The following BSCL2 variants were observed in gnomAD, a reference collection of about 807,000 sequenced individuals.
BSCL2 encodes BSCL2 lipid droplet biogenesis associated, seipin, also known as seipin.
Under a neutral mutation model 57.4 loss-of-function variants are expected in BSCL2, and 41 were observed. The ratio of observed to expected loss-of-function variants is 0.71; its 90% confidence interval spans 0.56 to 0.93. The LOEUF (loss-of-function observed/expected upper bound fraction) is 0.93, where lower values mean the gene tolerates loss of function less well. BSCL2 is among the 40% of genes least tolerant of loss of function. The pLI, the probability that BSCL2 is intolerant of heterozygous loss-of-function variation, is 0.00. For missense variants in BSCL2, 539 were observed against 586.7 expected (o/e 0.92, Z 0.84); for synonymous variants, 237 against 227.3 (o/e 1.04, Z -0.38).
At chr11:62,701,563 C>T (rs868216684) in intron 3 of BSCL2, among the ~76,000 whole-genome samples, 1 of 152,066 alleles carries the variant, frequency 6.6e-6, no homozygotes, top group Non-Finnish European at 1.5e-5. Flanking sequence ...ACAGGCTGGG[C>T]GTGGTGGCTG....
chr11:62,703,724 C>T (rs1378612504), intron 2 of BSCL2, among the ~76,000 whole-genome samples: 1 of 151,938 alleles, frequency 6.6e-6, no homozygotes, highest in Non-Finnish European at 1.5e-5. Context: ...GCTTTAGAAA[C>T]TATAGCTCTG....
intron 1 of BSCL2, chr11:62,706,466 T>A: frequency 2.5e-6 from 1 of 404,612 alleles, no homozygotes; most frequent in Non-Finnish European, 4.6e-6. Context: ...TGGCTCTCTC[T>A]GCGGCAGGTT....
upstream of BSCL2, chr11:62,709,157 T>A: frequency 2.1e-6 from 1 of 471,622 alleles, no homozygotes; most frequent in African/African-American, 2.0e-5. Flanking sequence ...CTGGAGCTAC[T>A]GGGAGGGTAA....
chr11:62,705,649 TC>T (rs140109104), intron 1 of BSCL2, 32 bp from the exon 2 acceptor site: 1,611 of 1,474,060 alleles, frequency 1.1e-3, no homozygotes, highest in Non-Finnish European at 1.4e-3. Context: ...AAAGAGTGAC[TC>T]CTTTCCCCAG....
intron 1 of BSCL2, 149 bp from the exon 2 acceptor site, chr11:62,705,766 C>T (rs1409363067): frequency 1.3e-6 from 1 of 791,262 alleles, no homozygotes; most frequent in Non-Finnish European, 1.9e-6. Context: ...AATGATTGTG[C>T]CACTCTGCCA....
chr11:62,699,672 C>G (rs889534972), intron 3 of BSCL2, among the ~76,000 whole-genome samples: 17 of 124,332 alleles, frequency 1.4e-4, no homozygotes, highest in Admixed American at 4.2e-4. Flanking sequence ...AAAATCCTAT[C>G]TGGTTTTTTT....
At position 62,707,208 on chromosome 11, in the gene BSCL2, C is replaced by T; in HGVS notation, c.-13G>A. The T allele has an allele frequency of 3.2e-6, 5 of 1,551,836 alleles. No homozygotes were observed. The highest frequency in any genetic ancestry group is 4.4e-6 in the Non-Finnish European group (5 of 1,146,606). Reference sequence around the variant, plus strand: ...TTTCTGTAGACATCTTCCTGACGAGCCTCTGTTGACTCTGGATCTTCCACT... The same window carrying T: ...TTTCTGTAGACATCTTCCTGACGAGTCTCTGTTGACTCTGGATCTTCCACT... On this transcript the variant is annotated 5_prime_UTR_variant, in exon 1 of 11. Transcript: ENST00000360796.
chr11:62,692,440 G>A lies in BSCL2; in HGVS notation c.799C>T (p.His267Tyr). The A allele has an allele frequency of 6.2e-7, 1 of 1,614,114 alleles. No individual in the cohort carries two copies. The highest frequency in any genetic ancestry group is 2.2e-5 in the East Asian group (1 of 44,878). The change falls in exon 6 of 11, where the codon CAC becomes TAC. Residue 267 changes from histidine (H) to tyrosine (Y), a missense_variant. By Grantham distance (83) the His-to-Tyr change is moderately conservative (BLOSUM62 2). This residue lies in a region of BSCL2 where 73 missense variants were observed against 122.0 expected (regional missense o/e 0.60). Coordinates refer to ENST00000360796, the MANE Select transcript of BSCL2 (RefSeq NM_001122955.4). ...CCATACAGCTGGATGCGCTTGCTGTGGATCTCAATGATCGCTCCAGTGGTC... is the reference window on the plus strand; with the variant it reads ...CCATACAGCTGGATGCGCTTGCTGTAGATCTCAATGATCGCTCCAGTGGTC... ...VPTTGAIIEI[H>Y]SKRIQLYGAY...
intron 4 of BSCL2, 148 bp from the exon 5 acceptor site, chr11:62,692,945 T>C: frequency 1.0e-6 from 1 of 988,558 alleles, no homozygotes; most frequent in Non-Finnish European, 1.5e-6. Context: ...TACCCCTCAG[T>C]CTCATCCAAC....
chr11:62,709,347 A>C (rs978425856), upstream of BSCL2: 2 of 454,034 alleles, frequency 4.4e-6, no homozygotes, highest in Middle Eastern at 6.9e-4. Context: ...GGCGCGAGAG[A>C]GCGTCCACAG....
intron 3 of BSCL2, chr11:62,697,434 T>C (rs1314100103): frequency 1.3e-5 from 2 of 150,862 alleles, no homozygotes; most frequent in Non-Finnish European, 2.9e-5. Flanking sequence ...AATTGCCTGC[T>C]TGATGGGCAG....
At chr11:62,708,860 T>C (rs959818669), upstream of BSCL2, 21 of 1,376,096 alleles carry the variant, frequency 1.5e-5, no homozygotes, top group Admixed American at 5.2e-5. Flanking sequence ...GGGCCCTTCC[T>C]TAGGTCAGTA....
chr11:62,708,745 C>A (rs2083585057), upstream of BSCL2: 1 of 1,614,122 alleles, frequency 6.2e-7, no homozygotes, highest in South Asian at 1.1e-5. Context: ...CCCCTCATCA[C>A]CCCTGTGCCC....
At chr11:62,696,081 G>C (rs1317004898) in intron 3 of BSCL2, among the ~76,000 whole-genome samples, 1 of 152,160 alleles carries the variant, frequency 6.6e-6, no homozygotes, top group African/African-American at 2.4e-5. Context: ...CTGAGGCAGA[G>C]AGCTGCTTGA....
chr11:62,707,930 GT>G, upstream of BSCL2: 1 of 308,116 alleles, frequency 3.2e-6, no homozygotes, highest in Non-Finnish European at 6.2e-6. Flanking sequence ...GTAATGGCCT[GT>G]TTTTCTCCTG....
intron 2 of BSCL2, among the ~76,000 whole-genome samples, chr11:62,704,583 C>A (rs965057877): frequency 3.9e-4 from 57 of 146,252 alleles, no homozygotes; most frequent in African/African-American, 1.4e-3. Flanking sequence ...AAAAACCCAT[C>A]TCTACTAAAA....
upstream of BSCL2, chr11:62,708,030 A>G (rs904952136): frequency 2.0e-6 from 1 of 496,442 alleles, no homozygotes; most frequent in South Asian, 2.2e-5. Flanking sequence ...CATGGTTTGA[A>G]GGGCTGAAAA....
chr11:62,696,276 TTTTGTG>T (rs1391698246), intron 3 of BSCL2, among the ~76,000 whole-genome samples: 1 of 51,028 alleles, frequency 2.0e-5, no homozygotes, highest in African/African-American at 4.2e-5. Context: ...TTCATAAACT[TTTTGTG>T]TGTGTGTGTG....
Position 62,705,568 on chromosome 11 carries a change from C to A in BSCL2, c.137G>T (p.Arg46Ile), listed in dbSNP as rs542073179. The A allele has an allele frequency of 9.4e-6, 15 of 1,591,630 alleles. No homozygotes were observed. The East Asian group carries it at 2.5e-4, about 26-fold the overall frequency. Residue 46 changes from arginine (R) to isoleucine (I), a missense_variant, in exon 2 of 11, where the codon AGA (arginine) becomes ATA (isoleucine). Transcript: ENST00000360796. ...SHGQGWRPGG[R>I]AARNARPEPG... is the part of the protein sequence containing the mutation. The stretch of plus-strand genomic sequence containing the variant: ...TTCAGGCCTTGCGTTCCTAGCTGCT[C>A]TGCCACCTGGACGCCACCCCTGGCC...
Sources: gnomAD v4.1 joint callset for allele counts (sites outside exome capture counted in the v4.1 genomes callset) on GRCh38, gnomAD v4.1.1 for gene constraint, gnomAD v4.1.1 regional missense constraint, MANE v1.5 for transcripts, NCBI Gene and HGNC (gene_info 2026-07-23, HGNC 2026-07-21) for gene names.